PARG: variants seen among roughly 807,000 people sequenced by gnomAD.
PARG encodes mitochondrial poly(ADP-ribose) glycohydrolase.
A neutral mutation model predicts 113.0 loss-of-function variants in PARG; 35 were observed. The ratio of observed to expected loss-of-function variants is 0.31; its 90% CI spans 0.24 to 0.41. The LOEUF (loss-of-function observed/expected upper bound fraction) is 0.41. Ranked by LOEUF, PARG falls within the 10% of genes least tolerant of loss-of-function variation. The pLI is 1.00. For synonymous variants in PARG, 330 were observed against 409.9 expected (o/e 0.81, Z 2.36); for missense variants, 797 against 1,169.4 (o/e 0.68, Z 4.64).
chr10:49,854,951 C>A, intron 13 of PARG, among the ~76,000 whole-genome samples: 1 of 148,030 alleles, frequency 6.8e-6, no homozygotes, highest in African/African-American at 2.5e-5. Context: ...AATTAGAAGA[C>A]ATGGAAAGAA....
At chr10:49,921,412 TCTG>T (rs1554849290) in intron 6 of PARG, among the ~76,000 whole-genome samples, 1 of 152,180 alleles carries the variant, frequency 6.6e-6, no homozygotes, top group Non-Finnish European at 1.5e-5. Context: ...AAATAAACAG[TCTG>T]CTTTTCTTTT....
intron 7 of PARG, among the ~76,000 whole-genome samples, chr10:49,906,149 T>TC: frequency 7.1e-6 from 1 of 141,156 alleles, no homozygotes; most frequent in Non-Finnish European, 1.6e-5. Flanking sequence ...TGCCGCTTTT[T>TC]TTTTTTTTTT....
intron 3 of PARG, 98 bp from the exon 4 acceptor site, chr10:49,932,381 G>C (rs1223762968): frequency 5.3e-6 from 4 of 757,026 alleles, no homozygotes; most frequent in Non-Finnish European, 9.5e-6. Context: ...ATTGTTTAAA[G>C]TATGCCATAC....
chr10:49,876,555 T>A (rs1228579291), intron 9 of PARG, among the ~76,000 whole-genome samples: 1 of 152,130 alleles, frequency 6.6e-6, no homozygotes, highest in Admixed American at 6.5e-5. Context: ...TCTCCAGAGG[T>A]ACACACAGGC....
At chr10:49,831,042 A>G (rs1208072566) in intron 16 of PARG, among the ~76,000 whole-genome samples, 1 of 152,154 alleles carries the variant, frequency 6.6e-6, no homozygotes, top group Admixed American at 6.5e-5. Context: ...CATTTGTTAG[A>G]TGGATAGTTG....
At chr10:49,921,181 T>C (rs1383807901) in intron 6 of PARG, among the ~76,000 whole-genome samples, 24 of 152,180 alleles carry the variant, frequency 1.6e-4, no homozygotes, top group African/African-American at 5.5e-4. Context: ...TGATCCCCCA[T>C]CTACTATCCC....
chr10:49,852,968 TAAA>T (rs1321109764), intron 13 of PARG, among the ~76,000 whole-genome samples: 1 of 151,636 alleles, frequency 6.6e-6, no homozygotes, highest in Non-Finnish European at 1.5e-5. Context: ...AAATTCATCT[TAAA>T]AACTGATGGG....
chr10:49,878,092 T>C (rs1588930973), intron 9 of PARG, among the ~76,000 whole-genome samples: 1 of 151,988 alleles, frequency 6.6e-6, no homozygotes, highest in South Asian at 2.1e-4. Flanking sequence ...GGACACAGGA[T>C]CATTTCTGTG....
At chr10:49,838,814 G>A (rs1392156765) in intron 15 of PARG, among the ~76,000 whole-genome samples, 3 of 152,136 alleles carry the variant, frequency 2.0e-5, no homozygotes, top group Non-Finnish European at 2.9e-5. Flanking sequence ...ATTGCAGGTT[G>A]AAAATGAATG....
chr10:49,847,296 G>A (rs1305799276), intron 13 of PARG, among the ~76,000 whole-genome samples: 2 of 152,014 alleles, frequency 1.3e-5, no homozygotes, highest in South Asian at 2.1e-4. Context: ...AATATATAGC[G>A]ATACATTAAT....
intron 16 of PARG, among the ~76,000 whole-genome samples, chr10:49,824,891 C>A (rs141283220): frequency 6.6e-6 from 1 of 152,104 alleles, no homozygotes; most frequent in African/African-American, 2.4e-5. Context: ...CATGCCCTTG[C>A]CCACTGCTTC....
intron 13 of PARG, among the ~76,000 whole-genome samples, chr10:49,847,130 T>C (rs1272347700): frequency 4.6e-5 from 7 of 151,554 alleles, no homozygotes; most frequent in Non-Finnish European, 1.0e-4. Flanking sequence ...TAAATAAGTA[T>C]ACACAAATAA....
At chr10:49,880,611 A>C (rs2573493) in intron 8 of PARG, among the ~76,000 whole-genome samples, 5 of 152,036 alleles carry the variant, frequency 3.3e-5, no homozygotes, top group East Asian at 3.9e-4. Flanking sequence ...AAGTTCCAAG[A>C]CCCCCAACCA....
At chr10:49,829,671 A>G (rs1554829985) in intron 16 of PARG, among the ~76,000 whole-genome samples, 1 of 152,182 alleles carries the variant, frequency 6.6e-6, no homozygotes, top group Non-Finnish European at 1.5e-5. Flanking sequence ...AAACAAAACA[A>G]AGACTATCAC....
chr10:49,939,862 C>T (rs1299956301), intron 1 of PARG, among the ~76,000 whole-genome samples: 1 of 152,116 alleles, frequency 6.6e-6, no homozygotes, highest in Non-Finnish European at 1.5e-5. Flanking sequence ...AGTGTAGACT[C>T]TTCACCAGAG....
intron 6 of PARG, among the ~76,000 whole-genome samples, chr10:49,917,009 A>T (rs1205748935): frequency 6.6e-6 from 1 of 152,154 alleles, no homozygotes; most frequent in East Asian, 1.9e-4. Context: ...TATCTAGGTT[A>T]AAAGATGAGC....
At chr10:49,836,414 C>T (rs1247139274) in intron 15 of PARG, among the ~76,000 whole-genome samples, 4 of 147,482 alleles carry the variant, frequency 2.7e-5, no homozygotes, top group African/African-American at 5.0e-5. Context: ...TCTCCTGCCT[C>T]GGCCTCTCGA....
intron 13 of PARG, among the ~76,000 whole-genome samples, chr10:49,845,344 A>G (rs1005286550): frequency 5.9e-5 from 9 of 152,228 alleles, no homozygotes; most frequent in African/African-American, 2.2e-4. Flanking sequence ...TCCTTACAAT[A>G]GATTTGTATC....
At chr10:49,923,554 G>C (rs1225110854) in intron 4 of PARG, among the ~76,000 whole-genome samples, 1 of 151,980 alleles carries the variant, frequency 6.6e-6, no homozygotes, top group Non-Finnish European at 1.5e-5. Context: ...GAGCAGGGCA[G>C]GACAGGGCCC....
Sources: allele counts gnomAD v4.1 joint callset (sites outside exome capture counted in the v4.1 genomes callset), GRCh38; gene constraint gnomAD v4.1.1; transcripts MANE v1.5; gene names NCBI Gene and HGNC (gene_info 2026-07-23, HGNC 2026-07-21).